RHOBTB1: variants seen among roughly 807,000 people sequenced by gnomAD.
The protein encoded by RHOBTB1 is Rho related BTB domain containing 1, also known as rho-related BTB domain-containing protein 1.
RHOBTB1 carries 40 observed loss-of-function variants against 71.6 expected under a neutral mutation model. That is an observed-to-expected ratio of 0.56 (90% confidence interval 0.43 to 0.73). The LOEUF is 0.73. Ranked by LOEUF, RHOBTB1 falls within the 30% of genes least tolerant of loss-of-function variation. RHOBTB1 has a pLI of 0.00. For missense variants in RHOBTB1, 797 were observed against 894.0 expected (o/e 0.89, Z 1.38); for synonymous variants, 319 against 334.9 (o/e 0.95, Z 0.52).
intron 2 of RHOBTB1, among the ~76,000 whole-genome samples, chr10:60,933,879 G>C (rs911043844): frequency 3.5e-4 from 53 of 152,052 alleles, no homozygotes; most frequent in African/African-American, 1.3e-3. Context: ...TAAATTAAAA[G>C]AGATTTAAAA....
At position 60,886,207 on chromosome 10, in the gene RHOBTB1, C is replaced by T; in HGVS notation, c.1480G>A (p.Gly494Arg). 1 of 1,614,000 alleles carries T rather than the reference C, an allele frequency of 6.2e-7. No homozygotes were observed. Among genetic ancestry groups the T allele is most frequent in the Non-Finnish European group, 8.5e-7 (1 of 1,179,916 alleles). Residue 494 changes from glycine to arginine, a missense_variant, in exon 7 of 11, where the codon GGA becomes AGA. By Grantham distance (125) the Gly-to-Arg change is moderately radical. Around this residue, in one of 2 missense-constraint regions of RHOBTB1, gnomAD observed 658 missense variants for 681.5 expected, o/e 0.97. Transcript: ENST00000337910. ...AGCGGCTTGTGGGCACTGATGGCTC[C>T]ATCGTCCAATTTAAATGTCACGTCT... is the stretch of plus-strand genomic sequence containing the variant. ...FSDVTFKLDDGAISAHKPLLI... is the reference protein window; with the variant it reads ...FSDVTFKLDDRAISAHKPLLI...
At chr10:60,957,050 T>C (rs2085620052) in intron 2 of RHOBTB1, among the ~76,000 whole-genome samples, 1 of 152,236 alleles carries the variant, frequency 6.6e-6, no homozygotes, top group South Asian at 2.1e-4. Context: ...TTATAACAAT[T>C]TTGTCTTCTG....
rs1019332119 is a variant in RHOBTB1, at chr10:60,944,043, A to T, written c.-134T>A. On this transcript the variant is annotated 5_prime_UTR_variant, in exon 1 of 11. The change abolishes the stop of an existing upstream ORF in the 5' untranslated region. Coordinates refer to ENST00000337910, the MANE Select transcript of RHOBTB1 (RefSeq NM_014836.5). The stretch of plus-strand genomic sequence containing the variant: ...GGGAGCGGGGGGGCCCCCGCCACTC[A>T]GCAGCAGCCACGGCTGCGCGCGGTC... The T allele has an allele frequency of 6.6e-6, 1 of 151,894 alleles. No individual in the cohort carries two copies. The highest frequency in any genetic ancestry group is 2.4e-5 in the African/African-American group (1 of 41,376). The allele number at this position is 151,894 out of a possible 1,614,324, so 9.4% of individuals were successfully genotyped here.
chr10:60,998,948 C>T (rs1589490435), intron 1 of RHOBTB1, among the ~76,000 whole-genome samples: 2 of 152,196 alleles, frequency 1.3e-5, no homozygotes, highest in Admixed American at 1.3e-4. Context: ...GGCATGAAAG[C>T]TTCTTTGAGC....
intron 7 of RHOBTB1, among the ~76,000 whole-genome samples, chr10:60,880,263 CAGAGAGAG>C (rs374461338): frequency 9.3e-6 from 1 of 107,140 alleles, no homozygotes; most frequent in Admixed American, 9.0e-5. Context: ...GAGTGAGAGA[CAGAGAGAG>C]AGAGAGAGAG....
At chr10:60,881,130 C>G (rs1403642613) in intron 7 of RHOBTB1, among the ~76,000 whole-genome samples, 1 of 152,106 alleles carries the variant, frequency 6.6e-6, no homozygotes, top group Non-Finnish European at 1.5e-5. Flanking sequence ...AAGGGGTTTC[C>G]CCTTTTCACT....
chr10:60,949,937 T>G (rs907995723), intron 2 of RHOBTB1, among the ~76,000 whole-genome samples: 1 of 152,198 alleles, frequency 6.6e-6, no homozygotes, highest in African/African-American at 2.4e-5. Flanking sequence ...CATGTTACAT[T>G]ATTTGTGTAG....
chr10:60,978,419 A>G lies in RHOBTB1; in HGVS notation c.-62+7426T>C, dbSNP rs561432051. Among the ~76,000 whole-genome samples, 4 of 152,316 alleles carry G rather than the reference A, an allele frequency of 2.6e-5. No individual in the cohort carries two copies. In the East Asian group the frequency reaches 5.8e-4, roughly 22 times the overall value. ...AGGGAACATGGGTTTGCATTTCTCA[A>G]TCAAGTGGAAGTTATTAACATGATT... is the stretch of plus-strand genomic sequence containing the variant. On this transcript the variant is annotated intron_variant, in intron 2 of 11. Coordinates refer to the RHOBTB1 transcript ENST00000357917.
upstream of RHOBTB1, among the ~76,000 whole-genome samples, chr10:60,949,178 A>C (rs1430197406): frequency 1.3e-5 from 2 of 152,198 alleles, no homozygotes. Flanking sequence ...CAGTCACTCA[A>C]GTATTCCTGC....
chr10:60,888,189 G>A (rs2081686666), intron 6 of RHOBTB1, 23 bp downstream of exon 6: 1 of 1,598,110 alleles, frequency 6.3e-7, no homozygotes, highest in East Asian at 2.2e-5. Context: ...GGTATTAATG[G>A]CTCTGCCCCG....
chr10:60,862,216 G>C, the RHOBTB1 span, among the ~76,000 whole-genome samples: 4 of 117,930 alleles, frequency 3.4e-5, no homozygotes, highest in Admixed American at 1.8e-4. Context: ...TCTTTTTATT[G>C]AGATGGAGTC....
chr10:60,866,414 G>A (rs1589129287), downstream of RHOBTB1, among the ~76,000 whole-genome samples: 1 of 152,146 alleles, frequency 6.6e-6, no homozygotes, highest in East Asian at 1.9e-4. Context: ...AAACAACACT[G>A]TATATAAAGA....
intron 7 of RHOBTB1, 47 bp from the exon 8 acceptor site, chr10:60,878,105 G>A: frequency 1.3e-6 from 2 of 1,513,940 alleles, no homozygotes; most frequent in Non-Finnish European, 1.8e-6. Flanking sequence ...AAAGCAGGGA[G>A]TGGGCACATT....
chr10:60,933,474 C>A (rs892955380), intron 2 of RHOBTB1, among the ~76,000 whole-genome samples: 2 of 152,152 alleles, frequency 1.3e-5, no homozygotes, highest in Admixed American at 6.6e-5. Context: ...GTAATCCCAG[C>A]ACTTTGGGAG....
intron 2 of RHOBTB1, among the ~76,000 whole-genome samples, chr10:60,918,305 AT>A (rs2083375262): frequency 6.6e-6 from 1 of 151,964 alleles, no homozygotes; most frequent in Non-Finnish European, 1.5e-5. Context: ...TCTTCAAATC[AT>A]TTCCCTTCCT....
At chr10:60,885,237 T>C (rs1033706417) in intron 7 of RHOBTB1, among the ~76,000 whole-genome samples, 3 of 152,202 alleles carry the variant, frequency 2.0e-5, no homozygotes, top group Non-Finnish European at 2.9e-5. Flanking sequence ...ATTAACCCGA[T>C]TTGATCATTC....
At chr10:60,939,559 C>A (rs953468490) in intron 2 of RHOBTB1, among the ~76,000 whole-genome samples, 1 of 152,124 alleles carries the variant, frequency 6.6e-6, no homozygotes, top group East Asian at 1.9e-4. Context: ...TTTTGGAACT[C>A]ATTTTTCCCT....
At chr10:60,924,621 T>G (rs2083761726) in intron 2 of RHOBTB1, among the ~76,000 whole-genome samples, 1 of 152,132 alleles carries the variant, frequency 6.6e-6, no homozygotes. Flanking sequence ...AACATCAGAC[T>G]TAGTCTGCAC....
At chr10:60,868,451 G>T (rs1050522708), downstream of RHOBTB1, among the ~76,000 whole-genome samples, 1 of 152,238 alleles carries the variant, frequency 6.6e-6, no homozygotes, top group South Asian at 2.1e-4. Context: ...GATTCACTTT[G>T]TTTTTTCCCT....
Sources: gnomAD v4.1 joint callset for allele counts (sites outside exome capture counted in the v4.1 genomes callset) on GRCh38, gnomAD v4.1.1 for gene constraint, gnomAD v4.1.1 regional missense constraint, MANE v1.5 for transcripts, NCBI Gene and HGNC (gene_info 2026-07-23, HGNC 2026-07-21) for gene names.